The following PDE2A variants were observed in gnomAD, a reference collection of about 807,000 sequenced individuals.
PDE2A encodes phosphodiesterase 2A.
Under a neutral mutation model 133.6 loss-of-function variants are expected in PDE2A, and 53 were observed. The observed-to-expected ratio is 0.40, with a 90% confidence interval of 0.32 to 0.50. PDE2A has a LOEUF of 0.50. PDE2A is among the 20% of genes least tolerant of loss of function. PDE2A has a pLI of 0.73. For missense variants in PDE2A, 796 were observed against 1,232.4 expected (o/e 0.65, Z 5.30); for synonymous variants, 491 against 490.2 (o/e 1.00, Z -0.02).
intron 1 of PDE2A, among the ~76,000 whole-genome samples, chr11:72,649,836 A>G (rs1854676822): frequency 6.6e-6 from 1 of 152,090 alleles, no homozygotes; most frequent in South Asian, 2.1e-4. Flanking sequence ...GGAAACCAGA[A>G]AGGAAGATGA....
Position 72,605,154 on chromosome 11 carries a change from G to A in PDE2A, c.307C>T (p.Gln103Ter). The stretch of plus-strand genomic sequence containing the variant: ...ATGGCTCACCGGACTTTCCCCTCCT[G>A]GGGCAGCTCATGTGGGGGGTCCTCA... ...VCEDPPHELP[Q>*]EGKVREAIIS... The change falls in exon 4 of 31, where the codon CAG becomes TAG. Residue 103 changes from glutamine to a stop codon, truncating the protein, a stop_gained. Coordinates refer to ENST00000334456, the MANE Select transcript of PDE2A (RefSeq NM_002599.5). LOFTEE classifies it high-confidence loss of function. 2 of 1,609,014 alleles carry A rather than the reference G, an allele frequency of 1.2e-6. No individual in the cohort carries two copies. Among genetic ancestry groups the A allele is most frequent in the Non-Finnish European group, 1.7e-6 (2 of 1,176,742 alleles).
chr11:72,620,355 GACTGAC>G (rs2135394006), intron 2 of PDE2A, among the ~76,000 whole-genome samples: 1 of 152,276 alleles, frequency 6.6e-6, no homozygotes, highest in East Asian at 1.9e-4. Flanking sequence ...CCACAAGGGG[GACTGAC>G]CAGAGCTGGG....
chr11:72,674,231 A>G lies in PDE2A; in HGVS notation c.-24T>C, dbSNP rs1173747750. 1.2e-6 allele frequency: 2 copies of G among 1,600,542 alleles called. No individual in the cohort carries two copies. Among genetic ancestry groups the G allele is most frequent in the Non-Finnish European group, 1.7e-6 (2 of 1,176,818 alleles). ...ATCACTCCTCATCGTCCGCCTCCCC[A>G]GCCAGACTAAGGTGGCACCTCGCCC... On this transcript the variant is annotated 5_prime_UTR_variant, in exon 1 of 31. Transcript: ENST00000334456.
rs115314492 is a variant in PDE2A, at chr11:72,586,936, T to C, written c.1071-755A>G. ...TCGGATCTAGATCCCATCCCCACCATCCTGGGTCTGTCTGCACACCTTTCT... is the reference window on the plus strand; with the variant it reads ...TCGGATCTAGATCCCATCCCCACCACCCTGGGTCTGTCTGCACACCTTTCT... On this transcript the variant is annotated intron_variant, in intron 13 of 30. Coordinates refer to ENST00000334456, the MANE Select transcript of PDE2A (RefSeq NM_002599.5). 4.9e-3 allele frequency among the ~76,000 whole-genome samples: 753 copies of C among 152,270 alleles called. 3 individuals carry two copies. The highest frequency in any genetic ancestry group is 0.017 in the African/African-American group (721 of 41,550).
chr11:72,582,164 T>A, intron 21 of PDE2A: 1 of 609,432 alleles, frequency 1.6e-6, no homozygotes. Flanking sequence ...ACACAAAATG[T>A]TAGAAAAACA....
chr11:72,579,262 G>A lies in PDE2A; in HGVS notation c.2356+22C>T, dbSNP rs558943448. 48 of 1,548,094 alleles carry A rather than the reference G, an allele frequency of 3.1e-5. No individual in the cohort carries two copies. The South Asian group carries it at 4.5e-4, about 14-fold the overall frequency. ...CTGGTTGTTCCTCCCCAGCCCCAAG[G>A]ACTGGGGCTAACAGCAGTCACCCTC... On this transcript the variant is annotated intron_variant, in intron 27 of 30. Coordinates refer to ENST00000334456, the MANE Select transcript of PDE2A (RefSeq NM_002599.5).
chr11:72,636,983 A>T (rs1055737565), intron 2 of PDE2A, among the ~76,000 whole-genome samples: 1 of 152,052 alleles, frequency 6.6e-6, no homozygotes, highest in African/African-American at 2.4e-5. Flanking sequence ...ATCCCCCCGG[A>T]CCCAGCCGGC....
At chr11:72,603,021 C>T (rs61660502) in intron 4 of PDE2A, among the ~76,000 whole-genome samples, 5 of 152,096 alleles carry the variant, frequency 3.3e-5, no homozygotes, top group African/African-American at 1.2e-4. Context: ...TGGGCCTTCC[C>T]CCAATCCTTT....
chr11:72,608,436 T>C (rs761851877), intron 3 of PDE2A, among the ~76,000 whole-genome samples: 1 of 152,204 alleles, frequency 6.6e-6, no homozygotes, highest in Non-Finnish European at 1.5e-5. Flanking sequence ...GGCTCAGCCA[T>C]TGCAGGATTC....
At chr11:72,644,130 G>A (rs1017161662) in intron 1 of PDE2A, among the ~76,000 whole-genome samples, 2 of 152,062 alleles carry the variant, frequency 1.3e-5, no homozygotes, top group Non-Finnish European at 2.9e-5. Context: ...CTGTCATTTA[G>A]GGGCCATTTG....
At chr11:72,579,243 G>T (rs1565146099) in intron 27 of PDE2A, 41 bp downstream of exon 27, 5 of 1,455,306 alleles carry the variant, frequency 3.4e-6, no homozygotes, top group Non-Finnish European at 4.8e-6. Flanking sequence ...TCCCCTGGTT[G>T]TTCCTCCCCA....
intron 1 of PDE2A, among the ~76,000 whole-genome samples, chr11:72,654,266 C>T (rs930481240): frequency 2.6e-5 from 4 of 152,182 alleles, no homozygotes; most frequent in East Asian, 3.8e-4. Flanking sequence ...AGCTGCTCGG[C>T]GTCAGGGAAG....
At chr11:72,611,588 A>T (rs1857214545) in intron 2 of PDE2A, among the ~76,000 whole-genome samples, 1 of 152,170 alleles carries the variant, frequency 6.6e-6, no homozygotes, top group African/African-American at 2.4e-5. Flanking sequence ...GGAGAGCAGG[A>T]AAGGAAAGTT....
chr11:72,663,091 G>A (rs956522747), intron 1 of PDE2A, among the ~76,000 whole-genome samples: 2 of 152,096 alleles, frequency 1.3e-5, no homozygotes, highest in African/African-American at 2.4e-5. Flanking sequence ...CCTCAGGAAG[G>A]GTCCTCATCA....
chr11:72,646,890 G>A (rs1185084806), intron 1 of PDE2A, among the ~76,000 whole-genome samples: 5 of 152,284 alleles, frequency 3.3e-5, no homozygotes, highest in Non-Finnish European at 7.3e-5. Flanking sequence ...ACTCCATGCC[G>A]AGTTTTGAGG....
In PDE2A at chr11:72,576,168, T is replaced by C. The variant is rs1855467344; in HGVS notation, c.*1216A>G. On this transcript the variant is annotated 3_prime_UTR_variant, in exon 31 of 31. Transcript: ENST00000334456. ...GTAGAAAGAAATAGATTTATTCTCA[T>C]GTACAAAGCGGTCAGCCCACGGGAC... 6.6e-6 allele frequency: 1 copy of C among 152,288 alleles called. No homozygotes were observed. 9.4% of individuals were successfully genotyped at this position (152,288 alleles called of 1,614,324 possible).
At chr11:72,604,434 G>C (rs1856885982) in intron 4 of PDE2A, among the ~76,000 whole-genome samples, 1 of 152,222 alleles carries the variant, frequency 6.6e-6, no homozygotes, top group African/African-American at 2.4e-5. Context: ...CTGATCCCAT[G>C]ATCCTGAAGT....
At chr11:72,604,835 A>C (rs967387803) in intron 4 of PDE2A, among the ~76,000 whole-genome samples, 6 of 152,204 alleles carry the variant, frequency 3.9e-5, no homozygotes, top group African/African-American at 1.4e-4. Flanking sequence ...GATACACCCC[A>C]TAGCCCCAAT....
intron 20 of PDE2A, 100 bp from the exon 21 acceptor site, chr11:72,582,666 T>C: frequency 8.1e-7 from 1 of 1,230,758 alleles, no homozygotes; most frequent in Non-Finnish European, 1.1e-6. Context: ...TCACCCAGAA[T>C]GTACCACAGT....
Sources: allele counts gnomAD v4.1 joint callset (sites outside exome capture counted in the v4.1 genomes callset), GRCh38; gene constraint gnomAD v4.1.1; transcripts MANE v1.5; gene names NCBI Gene and HGNC (gene_info 2026-07-23, HGNC 2026-07-21).